The following SERPINB7 variants were observed in gnomAD, a reference collection of about 807,000 sequenced individuals.
The protein encoded by SERPINB7 is serpin family B member 7.
SERPINB7 carries 31 observed loss-of-function variants against 37.4 expected under a neutral mutation model. That is an observed-to-expected ratio of 0.83 (90% CI 0.62 to 1.12). The LOEUF is 1.12. SERPINB7 is among the 50% of genes most tolerant of loss of function. The pLI is 0.00. For synonymous variants in SERPINB7, 163 were observed against 166.1 expected, an observed-to-expected ratio of 0.98 and a Z score of 0.14; for missense variants, 521 against 455.3, an observed-to-expected ratio of 1.14 and a Z score of -1.31.
intron 2 of SERPINB7, among the ~76,000 whole-genome samples, chr18:63,783,560 C>T (rs557797452): frequency 1.3e-5 from 2 of 152,314 alleles, no homozygotes; most frequent in Middle Eastern, 3.4e-3. Context: ...GTCATCATCA[C>T]CACCTTCACC....
At chr18:63,767,512 AC>A (rs1009219246) in intron 1 of SERPINB7, among the ~76,000 whole-genome samples, 3 of 152,082 alleles carry the variant, frequency 2.0e-5, no homozygotes, top group African/African-American at 7.2e-5. Context: ...TAAAAGAAAG[AC>A]TGTGTTTCCT....
At chr18:63,791,786 A>AT (rs2049430807) in intron 2 of SERPINB7, among the ~76,000 whole-genome samples, 1 of 151,060 alleles carries the variant, frequency 6.6e-6, no homozygotes, top group Non-Finnish European at 1.5e-5. Flanking sequence ...AATTTTTTGT[A>AT]TTTTTAGTAG....
chr18:63,800,012 C>T (rs1234691183), intron 6 of SERPINB7, among the ~76,000 whole-genome samples: 1 of 151,872 alleles, frequency 6.6e-6, no homozygotes, highest in African/African-American at 2.4e-5. Flanking sequence ...TTATCAAATA[C>T]CTTGCAGGAA....
chr18:63,786,487 G>C (rs995815651), intron 2 of SERPINB7, among the ~76,000 whole-genome samples: 1 of 151,780 alleles, frequency 6.6e-6, no homozygotes, highest in Non-Finnish European at 1.5e-5. Flanking sequence ...ATGCAACTGA[G>C]TTTTACAAAA....
intron 1 of SERPINB7, among the ~76,000 whole-genome samples, chr18:63,753,989 G>A (rs1467388804): frequency 6.6e-6 from 1 of 152,144 alleles, no homozygotes; most frequent in African/African-American, 2.4e-5. Flanking sequence ...GGCTGCTCAT[G>A]GGAAGGGAAA....
At chr18:63,760,861 C>G (rs1384548569) in intron 1 of SERPINB7, among the ~76,000 whole-genome samples, 1 of 152,214 alleles carries the variant, frequency 6.6e-6, no homozygotes. Context: ...ATAGAAATTC[C>G]TGGATGCCCA....
upstream of SERPINB7, among the ~76,000 whole-genome samples, chr18:63,775,003 A>G (rs903409010): frequency 1.3e-5 from 2 of 152,078 alleles, no homozygotes; most frequent in African/African-American, 4.8e-5. Flanking sequence ...TTTACACAGG[A>G]TAGGGTTGAA....
At chr18:63,779,925 C>G (rs1046337400) in intron 1 of SERPINB7, among the ~76,000 whole-genome samples, 3 of 151,976 alleles carry the variant, frequency 2.0e-5, no homozygotes, top group Non-Finnish European at 4.4e-5. Flanking sequence ...AGAATTGGAA[C>G]TTGAACAAAG....
chr18:63,777,597 T>G (rs1184444230), intron 1 of SERPINB7, among the ~76,000 whole-genome samples: 1 of 152,110 alleles, frequency 6.6e-6, no homozygotes, highest in Non-Finnish European at 1.5e-5. Context: ...AATATCTATT[T>G]GACTACTTTG....
intron 2 of SERPINB7, among the ~76,000 whole-genome samples, chr18:63,789,136 T>C (rs1196555415): frequency 2.0e-5 from 3 of 151,868 alleles, no homozygotes; most frequent in Admixed American, 6.5e-5. Flanking sequence ...AAATATGACT[T>C]CCAATATGTT....
intron 5 of SERPINB7, among the ~76,000 whole-genome samples, chr18:63,796,847 A>C (rs1003030424): frequency 2.4e-4 from 37 of 152,192 alleles, no homozygotes; most frequent in African/African-American, 8.7e-4. Flanking sequence ...GCTGATTTTC[A>C]TACTTTATAA....
At chr18:63,800,825 G>T (rs1471112760) in intron 6 of SERPINB7, 41 bp from the exon 7 acceptor site, 1 of 1,605,462 alleles carries the variant, frequency 6.2e-7, no homozygotes, top group East Asian at 2.2e-5. Context: ...AAAGTAAAAT[G>T]AGGTGGGATC....
At position 63,801,918 on chromosome 18, in the gene SERPINB7, G is replaced by A. The variant is rs114944954; in HGVS notation, c.744+906G>A. The stretch of plus-strand genomic sequence containing the variant: ...ATGTTTACTATCTCTACATCGTGGC[G>A]GAATTCAGGCCTCTCTCATAATCAT... On this transcript the variant is annotated intron_variant, in intron 7 of 7. Coordinates refer to ENST00000398019, the MANE Select transcript of SERPINB7 (RefSeq NM_003784.4). 1.8e-3 allele frequency among the ~76,000 whole-genome samples: 272 copies of A among 152,188 alleles called. 3 individuals carry two copies. The highest frequency in any genetic ancestry group is 5.8e-3 in the African/African-American group (239 of 41,498).
chr18:63,804,908 A>G lies in SERPINB7; in HGVS notation c.*273A>G. ...CTCATTTCTATCATTCTCCCCCATG[A>G]CCCGTCTGGAAATTATGGAGAGTGC... On this transcript the variant is annotated 3_prime_UTR_variant, in exon 8 of 8. Coordinates refer to ENST00000398019, the MANE Select transcript of SERPINB7 (RefSeq NM_003784.4). 2 of 404,376 alleles carry G rather than the reference A, an allele frequency of 4.9e-6. No individual in the cohort carries two copies. The highest frequency in any genetic ancestry group is 8.8e-6 in the Non-Finnish European group (2 of 227,620). 25.0% of individuals were successfully genotyped at this position (404,376 alleles called of 1,614,324 possible). A position where few individuals can be genotyped will look rare whatever the true frequency, so the allele number is the denominator to read the frequency against.
chr18:63,755,467 A>G (rs897946483), intron 1 of SERPINB7, among the ~76,000 whole-genome samples: 3 of 152,164 alleles, frequency 2.0e-5, no homozygotes, highest in African/African-American at 7.2e-5. Flanking sequence ...TTTCATAACT[A>G]GTTTGTTTCA....
intron 1 of SERPINB7, among the ~76,000 whole-genome samples, chr18:63,759,243 A>C (rs549851826): frequency 6.6e-6 from 1 of 150,930 alleles, no homozygotes; most frequent in East Asian, 1.9e-4. Context: ...TTGTAATCTG[A>C]ATTAAAAAAA....
At chr18:63,801,146 A>G (rs958553877) in intron 7 of SERPINB7, 134 bp downstream of exon 7, 1 of 856,188 alleles carries the variant, frequency 1.2e-6, no homozygotes, top group Non-Finnish European at 1.8e-6. Context: ...AATTTATTTG[A>G]CAAATATTTA....
At chr18:63,763,586 A>T (rs1365067539) in intron 1 of SERPINB7, among the ~76,000 whole-genome samples, 1 of 152,214 alleles carries the variant, frequency 6.6e-6, no homozygotes, top group Non-Finnish European at 1.5e-5. Context: ...TGCCTAAAGG[A>T]TGATACTAAT....
At chr18:63,761,904 T>C (rs568055459) in intron 1 of SERPINB7, among the ~76,000 whole-genome samples, 6 of 152,302 alleles carry the variant, frequency 3.9e-5, no homozygotes, top group African/African-American at 1.4e-4. Context: ...CTAATACACC[T>C]GGCGTGTCCT....
Sources: allele counts gnomAD v4.1 joint callset (sites outside exome capture counted in the v4.1 genomes callset), GRCh38; gene constraint gnomAD v4.1.1; transcripts MANE v1.5; gene names NCBI Gene and HGNC (gene_info 2026-07-23, HGNC 2026-07-21).